Variants in NEURL1B observed in about 807,000 individuals in gnomAD.
NEURL1B encodes E3 ubiquitin-protein ligase NEURL1B.
In NEURL1B, 13 loss-of-function variants were observed where a neutral mutation model predicts 37.4. The observed-to-expected ratio is 0.35, with a 90% confidence interval of 0.23 to 0.55. The LOEUF is 0.55. Among genes scored for constraint, NEURL1B ranks in the 20% least tolerant of loss-of-function variants. The pLI is 0.89. For missense variants in NEURL1B, 790 were observed against 879.2 expected (o/e 0.90, Z 1.28); for synonymous variants, 432 against 426.6 (o/e 1.01, Z -0.16).
intron 2 of NEURL1B, among the ~76,000 whole-genome samples, chr5:172,678,132 G>A (rs1039974044): frequency 5.3e-5 from 8 of 151,974 alleles, no homozygotes; most frequent in Non-Finnish European, 5.9e-5. Context: ...GCCACCCCTC[G>A]CCCTACCTGT....
intron 1 of NEURL1B, among the ~76,000 whole-genome samples, chr5:172,643,437 T>G (rs1047055286): frequency 6.6e-6 from 1 of 152,246 alleles, no homozygotes; most frequent in African/African-American, 2.4e-5. Flanking sequence ...CAAAATCCAG[T>G]TGTCGTTACC....
chr5:172,681,531 C>G lies in NEURL1B; in HGVS notation c.578-1888C>G, dbSNP rs561993617. On this transcript the variant is annotated intron_variant, in intron 2 of 4. Coordinates refer to ENST00000369800, the MANE Select transcript of NEURL1B (RefSeq NM_001142651.3). Reference sequence around the variant, plus strand: ...CCCAGAGTCCAAACAAGTAGCTGACCCCTTTTGCTGAGACCTTGAAGAGGG... The same window carrying G: ...CCCAGAGTCCAAACAAGTAGCTGACGCCTTTTGCTGAGACCTTGAAGAGGG... 3.9e-5 allele frequency among the ~76,000 whole-genome samples: 6 copies of G among 152,316 alleles called. No homozygotes were observed. In the East Asian group the frequency reaches 1.2e-3, roughly 29 times the overall value.
intron 2 of NEURL1B, among the ~76,000 whole-genome samples, chr5:172,674,170 T>G (rs73319228): frequency 0.2 from 30,766 of 151,746 alleles, 4,245 homozygotes; most frequent in African/African-American, 0.4. Context: ...AATAAAAACA[T>G]GTAACTGAGC....
At chr5:172,653,767 T>G (rs778626124) in intron 1 of NEURL1B, among the ~76,000 whole-genome samples, 9 of 152,254 alleles carry the variant, frequency 5.9e-5, no homozygotes, top group Non-Finnish European at 1.2e-4. Flanking sequence ...TAAACTTTTT[T>G]CAATAGTTTT....
intron 2 of NEURL1B, among the ~76,000 whole-genome samples, chr5:172,672,134 A>G (rs1581432811): frequency 6.6e-6 from 1 of 152,244 alleles, no homozygotes; most frequent in South Asian, 2.1e-4. Context: ...AAGAAATAAG[A>G]AGCTCTGCCT....
intron 1 of NEURL1B, among the ~76,000 whole-genome samples, chr5:172,668,775 G>A (rs1758063026): frequency 6.6e-6 from 1 of 152,136 alleles, no homozygotes; most frequent in South Asian, 2.1e-4. Flanking sequence ...GGATCCCAGA[G>A]CCCCCCAGGA....
intron 1 of NEURL1B, among the ~76,000 whole-genome samples, chr5:172,651,644 C>A (rs1465980194): frequency 6.6e-6 from 1 of 152,192 alleles, no homozygotes; most frequent in Non-Finnish European, 1.5e-5. Flanking sequence ...TGGCTAGTAG[C>A]CCCATTTGTT....
Position 172,669,786 on chromosome 5 carries a change from C to A in NEURL1B, c.33C>A (p.Asp11Glu). 1 of 1,265,884 alleles carries A rather than the reference C, an allele frequency of 7.9e-7. No individual in the cohort carries two copies. Among genetic ancestry groups the A allele is most frequent in the Non-Finnish European group, 1.0e-6 (1 of 997,420 alleles). 78.4% of individuals were successfully genotyped at this position (1,265,884 alleles called of 1,614,324 possible). A position where few individuals can be genotyped will look rare whatever the true frequency, so the allele number is the denominator to read the frequency against. Reference protein sequence around the residue: MGNTVHRTLPDPSPPARLLAT... With the variant: MGNTVHRTLPEPSPPARLLAT... ...CGTGCTGCCTGTGTCTTTCCGCAGA[C>A]CCGAGCCCACCGGCGCGCCTCCTGG... Residue 11 changes from aspartate to glutamate, a missense_variant and splice_region_variant, in exon 2 of 5, where the codon GAC (aspartate) becomes GAA (glutamate). Around this residue, in one of 3 missense-constraint regions of NEURL1B, gnomAD observed 215 missense variants for 309.2 expected, o/e 0.70. Transcript: ENST00000369800.
At chr5:172,678,895 C>T (rs1282577160) in intron 2 of NEURL1B, among the ~76,000 whole-genome samples, 3 of 152,216 alleles carry the variant, frequency 2.0e-5, no homozygotes, top group African/African-American at 4.8e-5. Flanking sequence ...GCTTTACTTC[C>T]AGCCCAGATA....
Position 172,663,829 on chromosome 5 carries a change from T to TTTATTATTA in NEURL1B, c.32-5935_32-5927dup, listed in dbSNP as rs60738970. On this transcript the variant is annotated intron_variant, in intron 1 of 4. Transcript: ENST00000369800. ...TTCCTGGCAAAAGAGGTTTTATTTG[T>TTTATTATTA]TTATTATTATTATTATTATTATTAT... Among the ~76,000 whole-genome samples, 118 of 140,844 alleles carry TTTATTATTA rather than the reference T, an allele frequency of 8.4e-4. 1 individual carries two copies. Among genetic ancestry groups the TTTATTATTA allele is most frequent in the African/African-American group, 2.6e-3 (100 of 38,580 alleles). The allele number at this position is 140,844 out of a possible 152,430, so 92.4% of individuals were successfully genotyped here. A position where few individuals can be genotyped will look rare whatever the true frequency, so the allele number is the denominator to read the frequency against.
chr5:172,655,506 C>T (rs114390488), intron 1 of NEURL1B, among the ~76,000 whole-genome samples: 380 of 152,248 alleles, frequency 2.5e-3, no homozygotes, highest in African/African-American at 8.4e-3. Flanking sequence ...TACAGAACCA[C>T]GGAGAGGACC....
chr5:172,646,103 G>A (rs1384461248), intron 1 of NEURL1B, among the ~76,000 whole-genome samples: 2 of 152,156 alleles, frequency 1.3e-5, no homozygotes, highest in African/African-American at 2.4e-5. Context: ...GGGACACAGC[G>A]GGAGCCGTTG....
intron 2 of NEURL1B, among the ~76,000 whole-genome samples, chr5:172,674,661 CGAT>C (rs1758194880): frequency 6.6e-6 from 1 of 152,160 alleles, no homozygotes; most frequent in African/African-American, 2.4e-5. Context: ...GTTGTGCTAA[CGAT>C]TCCCTTTGCA....
intron 1 of NEURL1B, among the ~76,000 whole-genome samples, chr5:172,659,053 T>C (rs1267270665): frequency 4.9e-5 from 3 of 61,330 alleles, no homozygotes; most frequent in African/African-American, 1.8e-4. Context: ...CCCCCAAAGC[T>C]TCCTTCCTGA....
chr5:172,684,231 C>A, intron 3 of NEURL1B, 93 bp downstream of exon 3: 1 of 1,044,774 alleles, frequency 9.6e-7, no homozygotes, highest in Non-Finnish European at 1.2e-6. Flanking sequence ...CCGCCCCTCT[C>A]GCTAGGCGCT....
At chr5:172,654,484 A>G (rs1184684187) in intron 1 of NEURL1B, among the ~76,000 whole-genome samples, 1 of 152,166 alleles carries the variant, frequency 6.6e-6, no homozygotes, top group Non-Finnish European at 1.5e-5. Flanking sequence ...CCTGTTAGGA[A>G]ACCTGGTGGG....
chr5:172,684,975 A>G (rs1170593687), intron 3 of NEURL1B, among the ~76,000 whole-genome samples: 2 of 152,184 alleles, frequency 1.3e-5, no homozygotes, highest in East Asian at 3.8e-4. Flanking sequence ...CCCTCATTGA[A>G]TTTTATCCTC....
rs530783644 is a variant in NEURL1B at position 172,647,434 on chromosome 5, G to A, written c.31+5997G>A. Among the ~76,000 whole-genome samples the A allele has an allele frequency of 5.3e-5, 8 of 152,272 alleles. No individual in the cohort carries two copies. Among genetic ancestry groups the A allele is most frequent in the Non-Finnish European group, 8.8e-5 (6 of 68,014 alleles). On this transcript the variant is annotated intron_variant, in intron 1 of 4. Transcript: ENST00000369800. The surrounding 1 kb of genome is among the most constrained non-coding windows in gnomAD (Gnocchi z 4.2). The stretch of plus-strand genomic sequence containing the variant: ...ACAGAAGGGGAAACTGAGGCTCAGA[G>A]GGGTAGTGAGACCTGCCCGGCCCAG...
chr5:172,642,504 A>G (rs1449127807), intron 1 of NEURL1B, among the ~76,000 whole-genome samples: 1 of 152,116 alleles, frequency 6.6e-6, no homozygotes, highest in African/African-American at 2.4e-5. Context: ...CTGTGAGGTT[A>G]ATTTAGTGTG....
Sources: gnomAD v4.1 joint callset for allele counts (sites outside exome capture counted in the v4.1 genomes callset) on GRCh38, gnomAD v4.1.1 for gene constraint, gnomAD v4.1.1 regional missense constraint, Gnocchi (gnomAD v3.1) non-coding constraint, MANE v1.5 for transcripts, NCBI Gene and HGNC (gene_info 2026-07-23, HGNC 2026-07-21) for gene names.